Variants in COL7A1 observed in about 807,000 individuals in gnomAD.
COL7A1 encodes collagen type VII alpha 1 chain, also known as collagen alpha-1(VII) chain.
A neutral mutation model predicts 456.2 loss-of-function variants in COL7A1; 296 were observed. That is an observed-to-expected ratio of 0.65 (90% confidence interval 0.59 to 0.71). The LOEUF is 0.71. Ranked by LOEUF, COL7A1 falls within the 30% of genes least tolerant of loss-of-function variation. The pLI, the probability that COL7A1 is intolerant of heterozygous loss-of-function variation, is 0.00. For missense variants in COL7A1, 3,441 were observed against 4,017.2 expected (o/e 0.86, Z 3.88); for synonymous variants, 1,464 against 1,525.9 (o/e 0.96, Z 0.95).
chr3:48,571,441 GGCCTA>G lies in COL7A1; in HGVS notation c.7069-168_7069-164del. 1.2e-6 allele frequency: 1 copy of G among 841,594 alleles called. No homozygotes were observed. The highest frequency in any genetic ancestry group is 2.0e-6 in the Non-Finnish European group (1 of 499,340). The allele number at this position is 841,594 out of a possible 1,614,324, so 52.1% of individuals were successfully genotyped here. A position where few individuals can be genotyped will look rare whatever the true frequency, so the allele number is the denominator to read the frequency against. On this transcript the variant is annotated intron_variant, in intron 92 of 118. Coordinates refer to ENST00000681320, the MANE Select transcript of COL7A1 (RefSeq NM_000094.4). The surrounding 1 kb of genome is among the most constrained non-coding windows in gnomAD (Gnocchi z 4.6). ...CTCACAGGAGCTCAGACATGACCATGGCCTATCTCAGGACAGCACAGACAGAGGGA... is the reference window on the plus strand; with the variant it reads ...CTCACAGGAGCTCAGACATGACCATGTCTCAGGACAGCACAGACAGAGGGA...
In COL7A1 at chr3:48,594,289, T is replaced by C; in HGVS notation, c.266+79A>G. 2.6e-6 allele frequency: 4 copies of C among 1,552,716 alleles called. No individual in the cohort carries two copies. Among genetic ancestry groups the C allele is most frequent in the Non-Finnish European group, 3.5e-6 (4 of 1,139,456 alleles). ...TTTCTGCAAAGACCTGGCCTGGGGTTTCCAGGGTCTCCTCCCTCTCTGGGG... is the reference window on the plus strand; with the variant it reads ...TTTCTGCAAAGACCTGGCCTGGGGTCTCCAGGGTCTCCTCCCTCTCTGGGG... On this transcript the variant is annotated intron_variant, in intron 3 of 118. Coordinates refer to ENST00000681320, the MANE Select transcript of COL7A1 (RefSeq NM_000094.4). This position sits in a 1 kb window ranked among gnomAD's most constrained non-coding sequence, Gnocchi z 5.5.
intron 18 of COL7A1, 145 bp downstream of exon 18, chr3:48,589,182 G>A (rs1321241660): frequency 6.9e-7 from 1 of 1,451,698 alleles, no homozygotes; most frequent in South Asian, 1.2e-5. Context: ...GTCACCGTGG[G>A]TGGACACTTA....
At chr3:48,589,050 G>C in intron 18 of COL7A1, 55 bp from the exon 19 acceptor site, 1 of 1,611,864 alleles carries the variant, frequency 6.2e-7, no homozygotes, top group Non-Finnish European at 8.5e-7. Flanking sequence ...GGCAGTGCAG[G>C]AATGGTTGAC....
chr3:48,574,683 T>G lies in COL7A1; in HGVS notation c.6387A>C (p.Gly2129=), dbSNP rs1575437360. The change falls in exon 78 of 119, where the codon GGA becomes GGC. Residue 2129 remains glycine, a synonymous_variant. Transcript: ENST00000681320. The surrounding 1 kb of genome is among the most constrained non-coding windows in gnomAD (Gnocchi z 5.0). ...PGSNGDQGPK[G]DRGVPGIKGD... Reference sequence around the variant, plus strand: ...GGGTGGAGAGAGGCCTCACCCTGTCTCCTTTGGGACCTTGGTCACCATTGC... The same window carrying G: ...GGGTGGAGAGAGGCCTCACCCTGTCGCCTTTGGGACCTTGGTCACCATTGC... 6.2e-7 allele frequency: 1 copy of G among 1,613,934 alleles called. No individual in the cohort carries two copies. Among genetic ancestry groups the G allele is most frequent in the Non-Finnish European group, 8.5e-7 (1 of 1,180,008 alleles).
chr3:48,570,213 T>C lies in COL7A1; in HGVS notation c.7441-35A>G, dbSNP rs753757948. The stretch of plus-strand genomic sequence containing the variant: ...GACATTAGGTTCATTGACTCAGAGG[T>C]TGGAAATCAGAGGCAAGAGCTGGGA... On this transcript the variant is annotated intron_variant, in intron 98 of 118. Transcript: ENST00000681320. This position sits in a 1 kb window ranked among gnomAD's most constrained non-coding sequence, Gnocchi z 5.5. The C allele has an allele frequency of 2.0e-5, 32 of 1,613,560 alleles. No homozygotes were observed. The Admixed American group carries it at 2.0e-4, about 10-fold the overall frequency.
chr3:48,572,228 G>T lies in COL7A1; in HGVS notation c.6979-57C>A. On this transcript the variant is annotated intron_variant, in intron 90 of 118. Transcript: ENST00000681320. The surrounding 1 kb of genome is among the most constrained non-coding windows in gnomAD (Gnocchi z 4.6). ...ATCAGTCACAGAAAGATGAGACTCC[G>T]GAGGGAGGCATGGGGCCAGAGCTTA... 1 of 1,613,064 alleles carries T rather than the reference G, an allele frequency of 6.2e-7. No individual in the cohort carries two copies. Among genetic ancestry groups the T allele is most frequent in the Non-Finnish European group, 8.5e-7 (1 of 1,179,138 alleles).
rs774452645 is a variant in COL7A1, at chr3:48,593,577, T to C, written c.386A>G (p.His129Arg). ...TGAAILHVAD[H>R]VFLPQLARPG... ...TCGGGCCAGCTGGGGCAGGAAGACA[T>C]GGTCAGCCACATGGAGAATTGCAGC... The change falls in exon 4 of 119, where the codon CAT (histidine) becomes CGT (arginine). Residue 129 changes from histidine to arginine, a missense_variant. Transcript: ENST00000681320. This position sits in a 1 kb window ranked among gnomAD's most constrained non-coding sequence, Gnocchi z 4.4. 1.9e-6 allele frequency: 3 copies of C among 1,614,052 alleles called. No individual in the cohort carries two copies. Among genetic ancestry groups the C allele is most frequent in the Admixed American group, 3.3e-5 (2 of 60,006 alleles).
rs771494426 is a variant in COL7A1, at chr3:48,588,779, A to G, written c.2450T>C (p.Met817Thr). The change falls in exon 20 of 119, where the codon ATG becomes ACG. Residue 817 changes from methionine to threonine, a missense_variant. By Grantham distance (81) the Met-to-Thr change is moderately conservative. Transcript: ENST00000681320. The surrounding 1 kb of genome is among the most constrained non-coding windows in gnomAD (Gnocchi z 4.6). The part of the protein sequence containing the change: ...LAWGRSEGGP[M>T]RHQILPGNTD... ...GTTTCCTGGGAGTATCTGGTGCCTC[A>G]TGGGGCCGCCTGGCCAGGTGGGCAT... is the stretch of plus-strand genomic sequence containing the variant. 4 of 1,613,868 alleles carry G rather than the reference A, an allele frequency of 2.5e-6. No homozygotes were observed. The South Asian group carries it at 3.3e-5, about 13-fold the overall frequency.
At chr3:48,589,548 C>T in intron 17 of COL7A1, 51 bp downstream of exon 17, 1 of 1,612,244 alleles carries the variant, frequency 6.2e-7, no homozygotes, top group East Asian at 2.2e-5. Flanking sequence ...CCAATAAACC[C>T]CCAGCCCCCA....
In COL7A1 at chr3:48,565,912, A is replaced by G. The variant is rs1208663271; in HGVS notation, c.8408-244T>C. On this transcript the variant is annotated intron_variant, in intron 114 of 118. Coordinates refer to ENST00000681320, the MANE Select transcript of COL7A1 (RefSeq NM_000094.4). This position sits in a 1 kb window ranked among gnomAD's most constrained non-coding sequence, Gnocchi z 4.5. ...GGCAAGAGACAGAAGCAGGCCAGAC[A>G]CAGAAACAGGCAGGTGGTGCAGACA... Among the ~76,000 whole-genome samples the G allele has an allele frequency of 6.6e-6, 1 of 152,164 alleles. No individual in the cohort carries two copies. Among genetic ancestry groups the G allele is most frequent in the Non-Finnish European group, 1.5e-5 (1 of 68,024 alleles).
rs2045450479 is a variant in COL7A1 at position 48,588,467 on chromosome 3, C to A, written c.2588-63G>T. 46 of 1,595,720 alleles carry A rather than the reference C, an allele frequency of 2.9e-5. No individual in the cohort carries two copies. Among genetic ancestry groups the A allele is most frequent in the Non-Finnish European group, 3.7e-5 (44 of 1,176,358 alleles). ...CCATGGCCCCTGCACCAATCCCAGGCCCACCCTGGCACACGCACCCCGCCC... is the reference window on the plus strand; with the variant it reads ...CCATGGCCCCTGCACCAATCCCAGGACCACCCTGGCACACGCACCCCGCCC... On this transcript the variant is annotated intron_variant, in intron 20 of 118. Transcript: ENST00000681320. The surrounding 1 kb of genome is among the most constrained non-coding windows in gnomAD (Gnocchi z 4.6).
In COL7A1 at chr3:48,564,286, G is replaced by GACGTGCACACGCACGCTC; in HGVS notation, c.*102_*119dup. On this transcript the variant is annotated 3_prime_UTR_variant, in exon 119 of 119. Coordinates refer to ENST00000681320, the MANE Select transcript of COL7A1 (RefSeq NM_000094.4). The surrounding 1 kb of genome is among the most constrained non-coding windows in gnomAD (Gnocchi z 6.0). ...ACGGGACCAAGTCACTGAAATAACG[G>GACGTGCACACGCACGCTC]ACGTGCACACGCACGCTCACGTGCA... 1 of 1,233,200 alleles carries GACGTGCACACGCACGCTC rather than the reference G, an allele frequency of 8.1e-7. No individual in the cohort carries two copies. 76.4% of individuals were successfully genotyped at this position (1,233,200 alleles called of 1,614,324 possible).
Position 48,574,780 on chromosome 3 carries a change from T to G in COL7A1, c.6348+17A>C. 2 of 1,614,014 alleles carry G rather than the reference T, an allele frequency of 1.2e-6. No individual in the cohort carries two copies. The highest frequency in any genetic ancestry group is 1.7e-6 in the Non-Finnish European group (2 of 1,180,022). On this transcript the variant is annotated intron_variant, in intron 77 of 118. Transcript: ENST00000681320. This position sits in a 1 kb window ranked among gnomAD's most constrained non-coding sequence, Gnocchi z 5.0. ...GCCATGGCAGAGGGTGGCCCCGAGC[T>G]GATTCCACACACTGACCTTAGCACC...
Position 48,588,581 on chromosome 3 carries a change from C to T in COL7A1, c.2587+61G>A. 2 of 1,612,984 alleles carry T rather than the reference C, an allele frequency of 1.2e-6. No individual in the cohort carries two copies. The highest frequency in any genetic ancestry group is 1.1e-5 in the South Asian group (1 of 91,068). On this transcript the variant is annotated intron_variant, in intron 20 of 118. Transcript: ENST00000681320. This position sits in a 1 kb window ranked among gnomAD's most constrained non-coding sequence, Gnocchi z 4.6. ...TCCTTTCTCCAATCCAGAGCACAAG[C>T]CCGGATCCCCAAACCATCCACACCA...
At position 48,565,198 on chromosome 3, in the gene COL7A1, C is replaced by A; in HGVS notation, c.8531G>T (p.Arg2844Leu). ...GTACTCATCATCCTCAGGGGGTACC[C>A]GCTCTGCAGGTAGGGCAGGGTGTGC... ...LRVSHAEEEE[R>L]VPPEDDEYSE... Residue 2844 changes from arginine to leucine, a missense_variant, in exon 117 of 119, where the codon CGG (arginine) becomes CTG (leucine). This residue lies in a region of COL7A1 where 2,084 missense variants were observed against 2,501.3 expected (regional missense o/e 0.83). Transcript: ENST00000681320. The surrounding 1 kb of genome is among the most constrained non-coding windows in gnomAD (Gnocchi z 4.5). 6.2e-7 allele frequency: 1 copy of A among 1,613,076 alleles called. No homozygotes were observed. The highest frequency in any genetic ancestry group is 2.2e-5 in the East Asian group (1 of 44,862).
rs758943922 is a variant in COL7A1, at chr3:48,575,779, G to A, written c.5857-31C>T. The A allele has an allele frequency of 1.2e-6, 2 of 1,613,894 alleles. No homozygotes were observed. The highest frequency in any genetic ancestry group is 1.7e-5 in the Admixed American group (1 of 60,008). On this transcript the variant is annotated intron_variant, in intron 72 of 118. Coordinates refer to ENST00000681320, the MANE Select transcript of COL7A1 (RefSeq NM_000094.4). The surrounding 1 kb of genome is among the most constrained non-coding windows in gnomAD (Gnocchi z 6.3). ...GGACAGCAAGAGGTCAGAGGAGCGG[G>A]GTGCGTCGCCGCAGCCCCTATGCCT...
rs755219773 is a variant in COL7A1 at position 48,581,654 on chromosome 3, G to C, written c.4723-22C>G. On this transcript the variant is annotated intron_variant, in intron 49 of 118. Transcript: ENST00000681320. The surrounding 1 kb of genome is among the most constrained non-coding windows in gnomAD (Gnocchi z 5.8). Reference sequence around the variant, plus strand: ...GGCCCTGTGGATGGAAGGATAAGAAGTCAGGAAGACAACCTTCACCAACTG... The same window carrying C: ...GGCCCTGTGGATGGAAGGATAAGAACTCAGGAAGACAACCTTCACCAACTG... The C allele has an allele frequency of 6.2e-7, 1 of 1,614,046 alleles. No homozygotes were observed. The highest frequency in any genetic ancestry group is 1.3e-5 in the African/African-American group (1 of 74,910).
chr3:48,573,768 A>G lies in COL7A1; in HGVS notation c.6538-43T>C, dbSNP rs1474967639. 7 of 1,613,720 alleles carry G rather than the reference A, an allele frequency of 4.3e-6. No individual in the cohort carries two copies. Among genetic ancestry groups the G allele is most frequent in the African/African-American group, 1.3e-5 (1 of 74,920 alleles). On this transcript the variant is annotated intron_variant, in intron 81 of 118. Transcript: ENST00000681320. This position sits in a 1 kb window ranked among gnomAD's most constrained non-coding sequence, Gnocchi z 5.5. ...AGTCTGATGAGGGGGAGTTAGCCGCACCCCACCAAGGAAACTGAGGCAGTA... is the reference window on the plus strand; with the variant it reads ...AGTCTGATGAGGGGGAGTTAGCCGCGCCCCACCAAGGAAACTGAGGCAGTA...
chr3:48,583,669 C>T lies in COL7A1; in HGVS notation c.4341+49G>A, dbSNP rs200684689. On this transcript the variant is annotated intron_variant, in intron 40 of 118. Coordinates refer to ENST00000681320, the MANE Select transcript of COL7A1 (RefSeq NM_000094.4). The surrounding 1 kb of genome is among the most constrained non-coding windows in gnomAD (Gnocchi z 5.1). ...CCGAAGGGAGGCCCTGCCCCCAGCA[C>T]GCAGCCTCCCACCCCAGAACTGGGA... is the stretch of plus-strand genomic sequence containing the variant. The T allele has an allele frequency of 9.5e-4, 1,537 of 1,613,524 alleles. No individual in the cohort carries two copies. The highest frequency in any genetic ancestry group is 1.2e-3 in the Non-Finnish European group (1,397 of 1,179,562).
Sources: gnomAD v4.1 joint callset for allele counts (sites outside exome capture counted in the v4.1 genomes callset) on GRCh38, gnomAD v4.1.1 for gene constraint, gnomAD v4.1.1 regional missense constraint, Gnocchi (gnomAD v3.1) non-coding constraint, MANE v1.5 for transcripts, NCBI Gene and HGNC (gene_info 2026-07-23, HGNC 2026-07-21) for gene names.